Variants in TPO observed in about 807,000 individuals in gnomAD.
The protein encoded by TPO is thyroid peroxidase.
Under a neutral mutation model 96.9 loss-of-function variants are expected in TPO, and 78 were observed. The observed-to-expected ratio is 0.81, with a 90% CI of 0.67 to 0.97. TPO has a LOEUF of 0.97. TPO is among the 50% of genes least tolerant of loss of function. The probability of loss-of-function intolerance (pLI) is 0.00; values close to 1 mark genes in which losing one functional copy is unlikely to be tolerated. For synonymous variants in TPO, 547 were observed against 538.0 expected (o/e 1.02, Z -0.23); for missense variants, 1,252 against 1,274.8 (o/e 0.98, Z 0.27).
At chr2:1,398,387 C>T (rs771481365) in intron 1 of TPO, among the ~76,000 whole-genome samples, 2 of 152,192 alleles carry the variant, frequency 1.3e-5, no homozygotes, top group African/African-American at 2.4e-5. Flanking sequence ...GGGTTTCAAT[C>T]AGGCCATCTC....
Position 1,477,519 on chromosome 2 carries a change from C to T in TPO, c.1253C>T (p.Ala418Val). 1 of 1,532,844 alleles carries T rather than the reference C, an allele frequency of 6.5e-7. No individual in the cohort carries two copies. The highest frequency in any genetic ancestry group is 2.0e-5 in the Admixed American group (1 of 50,842). 95.0% of individuals were successfully genotyped at this position (1,532,844 alleles called of 1,614,324 possible). The change falls in exon 8 of 17, where the codon GCC (alanine) becomes GTC (valine). Residue 418 changes from alanine to valine, a missense_variant. By Grantham distance (64) the Ala-to-Val change is moderately conservative. Transcript: ENST00000329066. ...TGGCTGCGCGAGCACAACCGCCTGG[C>T]CGCGGCGCTCAAGGCCCTCAATGCG... is the stretch of plus-strand genomic sequence containing the variant. ...TLWLREHNRL[A>V]AALKALNAHW...
intron 6 of TPO, among the ~76,000 whole-genome samples, chr2:1,454,160 G>A (rs1057000350): frequency 7.3e-6 from 1 of 137,550 alleles, no homozygotes; most frequent in Non-Finnish European, 1.6e-5. Flanking sequence ...ATGATTATGA[G>A]TTCAGCAATC....
At chr2:1,525,835 C>CG (rs1676328505) in intron 15 of TPO, among the ~76,000 whole-genome samples, 2 of 146,288 alleles carry the variant, frequency 1.4e-5, no homozygotes, top group Non-Finnish European at 3.0e-5. Context: ...AAATGCCCCC[C>CG]ACTCTGTGCA....
intron 10 of TPO, among the ~76,000 whole-genome samples, chr2:1,492,303 C>T (rs1408346483): frequency 3.9e-5 from 6 of 152,206 alleles, no homozygotes; most frequent in South Asian, 2.1e-4. Flanking sequence ...AACAGGCACC[C>T]GCCATCACGC....
intron 7 of TPO, among the ~76,000 whole-genome samples, chr2:1,470,102 C>T (rs1032596769): frequency 3.3e-5 from 5 of 152,196 alleles, no homozygotes; most frequent in African/African-American, 9.7e-5. Flanking sequence ...TTTTCAGCAA[C>T]AATTAATCTT....
intron 1 of TPO, among the ~76,000 whole-genome samples, chr2:1,405,806 G>A (rs1169023564): frequency 6.6e-6 from 1 of 152,112 alleles, no homozygotes; most frequent in Non-Finnish European, 1.5e-5. Context: ...CCCTAAAGAA[G>A]TTCTCAGTAA....
rs1287135860 is a variant in TPO at position 1,489,051 on chromosome 2, C to T, written c.1768+1060C>T. On this transcript the variant is annotated intron_variant, in intron 10 of 16. Transcript: ENST00000329066. ...ACATGCCCGGCACATACCCAGCACA[C>T]ACCCGCACATGCCCGGCACATGCCC... 3.3e-5 allele frequency among the ~76,000 whole-genome samples: 5 copies of T among 151,940 alleles called. No homozygotes were observed. The East Asian group carries it at 7.7e-4, about 23-fold the overall frequency.
At chr2:1,504,446 C>T (rs1389764427) in intron 14 of TPO, among the ~76,000 whole-genome samples, 1 of 152,216 alleles carries the variant, frequency 6.6e-6, no homozygotes, top group Non-Finnish European at 1.5e-5. Context: ...CCTGGGACCC[C>T]TCCAAATGCA....
At chr2:1,531,927 T>TGCAACCTCAAATCCCCCCACTGTGC (rs1678353480) in intron 15 of TPO, among the ~76,000 whole-genome samples, 1 of 94,482 alleles carries the variant, frequency 1.1e-5, no homozygotes, top group African/African-American at 3.9e-5. Context: ...CCCCACTGTG[T>TGCAACCTCAAATCCCCCCACTGTGC]GCAACCTCCT....
rs72314696 is a variant in TPO, at chr2:1,539,181, GCAGA to G, written c.2619-1409_2619-1406del. ...GATCCAGTTCCGTTTACAGTAATGA[GCAGA>G]CAGTGAATGAGAAATTAATGTGCTT... On this transcript the variant is annotated intron_variant, in intron 15 of 16. Transcript: ENST00000329066. Among the ~76,000 whole-genome samples, 996 of 152,328 alleles carry G rather than the reference GCAGA, an allele frequency of 6.5e-3. 8 individuals carry two copies. Among genetic ancestry groups the G allele is most frequent in the African/African-American group, 0.023 (941 of 41,572 alleles).
Position 1,542,754 on chromosome 2 carries a change from A to G in TPO, c.*280A>G. 1 of 867,804 alleles carries G rather than the reference A, an allele frequency of 1.2e-6. No homozygotes were observed. Among genetic ancestry groups the G allele is most frequent in the Non-Finnish European group, 1.7e-6 (1 of 583,090 alleles). 53.8% of individuals were successfully genotyped at this position (867,804 alleles called of 1,614,324 possible). ...ACATCTTTATTTTGTGAACCCTGGA[A>G]ACACCACTCTTGCAATCCTCCTGTC... is the stretch of plus-strand genomic sequence containing the variant. On this transcript the variant is annotated 3_prime_UTR_variant, in exon 17 of 17. Transcript: ENST00000329066.
At chr2:1,524,057 A>G (rs1271941484) in intron 15 of TPO, among the ~76,000 whole-genome samples, 1 of 106,044 alleles carries the variant, frequency 9.4e-6, no homozygotes, top group South Asian at 3.3e-4. Flanking sequence ...CATTGTGGGC[A>G]ACAACACCAA....
intron 8 of TPO, chr2:1,478,190 G>T (rs575291199): frequency 1.0e-6 from 1 of 985,438 alleles, no homozygotes; most frequent in Non-Finnish European, 1.2e-6. Context: ...ACATGAGAGG[G>T]TCTTGAATGG....
chr2:1,402,338 C>T (rs1291977324), intron 1 of TPO, among the ~76,000 whole-genome samples: 1 of 152,138 alleles, frequency 6.6e-6, no homozygotes, highest in East Asian at 1.9e-4. Context: ...GGAAGCAAGA[C>T]TGCTGGTAAT....
chr2:1,388,170 A>G (rs1234804084), intron 1 of TPO, among the ~76,000 whole-genome samples: 1 of 152,168 alleles, frequency 6.6e-6, no homozygotes, highest in Non-Finnish European at 1.5e-5. Context: ...GACCCTCTTG[A>G]GGAGGCAGTC....
intron 3 of TPO, among the ~76,000 whole-genome samples, chr2:1,424,418 C>T (rs2148450960): frequency 6.6e-6 from 1 of 152,320 alleles, no homozygotes; most frequent in Non-Finnish European, 1.5e-5. Flanking sequence ...CCACCACCTT[C>T]CATCGTGACC....
chr2:1,511,941 G>T (rs1212241240), intron 14 of TPO, among the ~76,000 whole-genome samples: 3 of 152,222 alleles, frequency 2.0e-5, no homozygotes, highest in Non-Finnish European at 4.4e-5. Flanking sequence ...ACAGGAGCAT[G>T]AGTTGCATAA....
chr2:1,538,654 G>A (rs1260809587), intron 15 of TPO, among the ~76,000 whole-genome samples: 1 of 152,168 alleles, frequency 6.6e-6, no homozygotes, highest in African/African-American at 2.4e-5. Context: ...GTTAAGACAT[G>A]GTTGCTTCAG....
At chr2:1,515,298 C>A (rs1022941116) in intron 14 of TPO, among the ~76,000 whole-genome samples, 2 of 152,164 alleles carry the variant, frequency 1.3e-5, no homozygotes, top group Admixed American at 1.3e-4. Flanking sequence ...GGAGCGGCAT[C>A]CCAGGGCCAG....
Sources: allele counts gnomAD v4.1 joint callset (sites outside exome capture counted in the v4.1 genomes callset), GRCh38; gene constraint gnomAD v4.1.1; transcripts MANE v1.5; gene names NCBI Gene and HGNC (gene_info 2026-07-23, HGNC 2026-07-21).